Variants in TP53BP1 observed in about 807,000 individuals in gnomAD.
TP53BP1 encodes tumor protein p53 binding protein 1.
TP53BP1 carries 61 observed loss-of-function variants against 200.8 expected under a neutral mutation model. That is an observed-to-expected ratio of 0.30 (90% CI 0.25 to 0.38). TP53BP1 has a LOEUF of 0.38. TP53BP1 is among the 10% of genes least tolerant of loss of function. TP53BP1 has a pLI of 1.00. For synonymous variants in TP53BP1, 822 were observed against 844.3 expected (o/e 0.97, Z 0.46); for missense variants, 2,144 against 2,371.9 (o/e 0.90, Z 2.00).
At chr15:43,443,367 C>T (rs2045971796) in intron 14 of TP53BP1, among the ~76,000 whole-genome samples, 2 of 152,110 alleles carry the variant, frequency 1.3e-5, no homozygotes, top group South Asian at 4.1e-4. Context: ...TACCCAAGTT[C>T]TTCCCAAAGT....
At chr15:43,493,205 C>T, upstream of TP53BP1, 3 of 1,460,532 alleles carry the variant, frequency 2.1e-6, no homozygotes, top group Non-Finnish European at 2.7e-6. Flanking sequence ...TTCGCTGCCG[C>T]CGCCCGCCAC....
chr15:43,468,915 A>G (rs1417832621), intron 11 of TP53BP1, among the ~76,000 whole-genome samples: 2 of 152,188 alleles, frequency 1.3e-5, no homozygotes, highest in East Asian at 3.8e-4. Flanking sequence ...CTTTAACAAA[A>G]CAAGTTTTAA....
At chr15:43,412,700 C>T in intron 24 of TP53BP1, 1 of 471,550 alleles carries the variant, frequency 2.1e-6, no homozygotes, top group Non-Finnish European at 4.4e-6. Context: ...CTAGCAGATG[C>T]CCATAGAACG....
chr15:43,489,689 G>C (rs1243973827), intron 4 of TP53BP1, among the ~76,000 whole-genome samples: 2 of 152,190 alleles, frequency 1.3e-5, no homozygotes, highest in Admixed American at 6.5e-5. Context: ...AATGCCAGAA[G>C]CTGGAAGTCT....
At chr15:43,492,937 G>T in intron 1 of TP53BP1, 100 bp downstream of exon 1, 3 of 553,784 alleles carry the variant, frequency 5.4e-6, no homozygotes, top group Admixed American at 4.3e-5. Flanking sequence ...CGTCACCGCC[G>T]CCATGCTTGC....
At chr15:43,453,143 G>T (rs556224235) in intron 12 of TP53BP1, among the ~76,000 whole-genome samples, 83 of 145,812 alleles carry the variant, frequency 5.7e-4, no homozygotes, top group Admixed American at 1.8e-3. Context: ...GCAGTGAGCC[G>T]GGATAGCGCC....
intron 17 of TP53BP1, 104 bp from the exon 18 acceptor site, chr15:43,428,272 T>A: frequency 2.0e-6 from 2 of 988,852 alleles, no homozygotes; most frequent in Non-Finnish European, 3.0e-6. Context: ...TCCATGAATC[T>A]AGTGTGACAG....
chr15:43,469,797 C>A (rs1257775834), intron 11 of TP53BP1, 61 bp downstream of exon 11: 2 of 1,338,640 alleles, frequency 1.5e-6, no homozygotes, highest in Admixed American at 1.8e-5. Flanking sequence ...GTAAATTATA[C>A]CCCAATAATG....
rs2045848214 is a variant in TP53BP1 at position 43,438,332 on chromosome 15, T to G, written c.3183A>C (p.Thr1061=). The G allele has an allele frequency of 1.9e-6, 3 of 1,613,534 alleles. No individual in the cohort carries two copies. Among genetic ancestry groups the G allele is most frequent in the Non-Finnish European group, 2.5e-6 (3 of 1,179,756 alleles). ...NEARSEDPPT[T]PIRGNLLHFP... is the part of the protein sequence containing the mutation. ...ATAAAAATAATGCTTACCTGATGGG[T>G]GTGGTGGGGGGATCCTCACTTCGAG... Residue 1061 remains threonine (T), a synonymous_variant, in exon 16 of 28, where the codon ACA becomes ACC. Coordinates refer to ENST00000382044, the MANE Select transcript of TP53BP1 (RefSeq NM_001141980.3).
At chr15:43,443,429 C>T (rs1027424639) in intron 14 of TP53BP1, among the ~76,000 whole-genome samples, 2 of 152,170 alleles carry the variant, frequency 1.3e-5, no homozygotes, top group Non-Finnish European at 2.9e-5. Context: ...CGGTGGCTCA[C>T]TCATGTAATC....
intron 4 of TP53BP1, among the ~76,000 whole-genome samples, chr15:43,487,319 C>T (rs927142287): frequency 9.5e-6 from 1 of 105,536 alleles, no homozygotes; most frequent in Non-Finnish European, 2.5e-5. Context: ...ACACCAAATG[C>T]CAGTAAGGAT....
chr15:43,457,556 C>T (rs772203281), intron 11 of TP53BP1, among the ~76,000 whole-genome samples: 14 of 151,312 alleles, frequency 9.3e-5, no homozygotes, highest in Admixed American at 1.3e-4. Context: ...CCTGTAATCC[C>T]AGCTACTTGG....
intron 1 of TP53BP1, among the ~76,000 whole-genome samples, chr15:43,503,593 AG>A (rs1484450837): frequency 6.6e-6 from 1 of 152,036 alleles, no homozygotes; most frequent in Non-Finnish European, 1.5e-5. Flanking sequence ...CGGGAGGCGG[AG>A]GTTGCAGTAA....
At chr15:43,469,787 G>A (rs2046677995) in intron 11 of TP53BP1, 71 bp downstream of exon 11, 2 of 1,261,654 alleles carry the variant, frequency 1.6e-6, no homozygotes, top group East Asian at 2.3e-5. Context: ...TTTATGGTAT[G>A]TAAATTATAC....
At chr15:43,452,318 C>T (rs1252939632) in intron 12 of TP53BP1, among the ~76,000 whole-genome samples, 1 of 152,138 alleles carries the variant, frequency 6.6e-6, no homozygotes, top group Admixed American at 6.5e-5. Context: ...GTAATCCTGG[C>T]ACTCTGGGAG....
chr15:43,415,548 T>G, intron 23 of TP53BP1, 46 bp downstream of exon 23: 1 of 1,596,748 alleles, frequency 6.3e-7, no homozygotes, highest in Non-Finnish European at 8.6e-7. Flanking sequence ...TGACCCTGCA[T>G]TCTGCCATGG....
chr15:43,480,528 C>T (rs2078949158), intron 5 of TP53BP1, among the ~76,000 whole-genome samples: 1 of 152,188 alleles, frequency 6.6e-6, no homozygotes, highest in Admixed American at 6.5e-5. Context: ...AAAAATACTT[C>T]ATACTATAAA....
At chr15:43,417,694 T>C (rs1446860344) in intron 21 of TP53BP1, among the ~76,000 whole-genome samples, 1 of 152,184 alleles carries the variant, frequency 6.6e-6, no homozygotes, top group Non-Finnish European at 1.5e-5. Context: ...CGAATGCATT[T>C]GATACATACA....
At chr15:43,428,300 GT>G in intron 17 of TP53BP1, 132 bp from the exon 18 acceptor site, 1 of 789,440 alleles carries the variant, frequency 1.3e-6, no homozygotes, top group East Asian at 2.6e-5. Flanking sequence ...CTACTGTTTT[GT>G]TTTATCCACC....
Sources: allele counts gnomAD v4.1 joint callset (sites outside exome capture counted in the v4.1 genomes callset), GRCh38; gene constraint gnomAD v4.1.1; transcripts MANE v1.5; gene names NCBI Gene and HGNC (gene_info 2026-07-23, HGNC 2026-07-21).